The following PTPRQ variants were observed in gnomAD, a reference collection of about 807,000 sequenced individuals.
PTPRQ encodes the protein protein tyrosine phosphatase receptor type Q.
In PTPRQ, 199 loss-of-function variants were observed where a neutral mutation model predicts 246.0. The observed-to-expected ratio is 0.81, with a 90% CI of 0.72 to 0.91. PTPRQ has a LOEUF of 0.91. Ranked by LOEUF, PTPRQ falls within the 40% of genes least tolerant of loss-of-function variation. PTPRQ has a pLI of 0.00. For synonymous variants in PTPRQ, 869 were observed against 853.2 expected (o/e 1.02, Z -0.32); for missense variants, 2,624 against 2,528.4 (o/e 1.04, Z -0.81).
At chr12:80,535,645 A>T (rs1483289014) in intron 19 of PTPRQ, among the ~76,000 whole-genome samples, 1 of 152,212 alleles carries the variant, frequency 6.6e-6, no homozygotes, top group Non-Finnish European at 1.5e-5. Context: ...GATGTGAATG[A>T]TGATGGCTAT....
At chr12:80,478,127 CCTGT>C (rs1893886915) in intron 8 of PTPRQ, among the ~76,000 whole-genome samples, 2 of 150,794 alleles carry the variant, frequency 1.3e-5, no homozygotes, top group Non-Finnish European at 2.9e-5. Context: ...CTTAAATGTC[CCTGT>C]CTGACAGCTT....
intron 7 of PTPRQ, among the ~76,000 whole-genome samples, chr12:80,469,228 C>T (rs1225781230): frequency 6.6e-6 from 1 of 152,168 alleles, no homozygotes. Flanking sequence ...AGTTTTTAAT[C>T]ATTAGAAAGA....
At chr12:80,475,073 A>T (rs2120558720) in intron 8 of PTPRQ, among the ~76,000 whole-genome samples, 1 of 152,256 alleles carries the variant, frequency 6.6e-6, no homozygotes, top group African/African-American at 2.4e-5. Flanking sequence ...GGCAAAAATG[A>T]TCTTAATGTA....
chr12:80,647,396 A>G (rs1230172444), intron 35 of PTPRQ, among the ~76,000 whole-genome samples: 1 of 152,116 alleles, frequency 6.6e-6, no homozygotes, highest in Non-Finnish European at 1.5e-5. Flanking sequence ...ACCCAACACA[A>G]CCTTCTATTC....
chr12:80,478,585 A>G (rs4505124), intron 8 of PTPRQ, among the ~76,000 whole-genome samples: 44,231 of 152,042 alleles, frequency 0.29, 8,245 homozygotes, highest in African/African-American at 0.52. Flanking sequence ...TCTGAGCTAC[A>G]GGAGGACATT....
chr12:80,650,106 AT>A (rs1291918089), intron 37 of PTPRQ, among the ~76,000 whole-genome samples: 1 of 152,136 alleles, frequency 6.6e-6, no homozygotes, highest in Non-Finnish European at 1.5e-5. Flanking sequence ...CATTAGTGAT[AT>A]AGATGAATGT....
chr12:80,574,746 T>C (rs1267522146), intron 25 of PTPRQ, among the ~76,000 whole-genome samples: 3 of 152,240 alleles, frequency 2.0e-5, no homozygotes, highest in African/African-American at 7.2e-5. Flanking sequence ...CTTACTTTTA[T>C]AGATGTCAGG....
chr12:80,642,934 A>AAAAACAG (rs1565836983), intron 35 of PTPRQ, among the ~76,000 whole-genome samples: 2 of 149,142 alleles, frequency 1.3e-5, no homozygotes, highest in African/African-American at 2.5e-5. Flanking sequence ...AAAAAAAAAA[A>AAAAACAG]AAAAAAAAAA....
At chr12:80,619,329 T>G (rs1239689024) in intron 30 of PTPRQ, 55 bp from the exon 31 acceptor site, 4 of 1,502,818 alleles carry the variant, frequency 2.7e-6, no homozygotes, top group Non-Finnish European at 3.6e-6. Context: ...AGATTTTTTC[T>G]TTTGTTGATG....
intron 3 of PTPRQ, among the ~76,000 whole-genome samples, chr12:80,454,236 G>A (rs1335558008): frequency 1.3e-5 from 2 of 149,614 alleles, no homozygotes; most frequent in African/African-American, 5.0e-5. Flanking sequence ...CGCAGTATTC[G>A]GGTGGGAGTG....
chr12:80,501,937 A>C (rs1028168015), intron 14 of PTPRQ, among the ~76,000 whole-genome samples: 1 of 132,274 alleles, frequency 7.6e-6, no homozygotes, highest in Non-Finnish European at 1.6e-5. Context: ...ACAGAGTATG[A>C]TAGGCAAAAA....
intron 26 of PTPRQ, among the ~76,000 whole-genome samples, chr12:80,591,643 A>G (rs1437044300): frequency 6.6e-6 from 1 of 152,226 alleles, no homozygotes; most frequent in African/African-American, 2.4e-5. Flanking sequence ...AGGTATGGTT[A>G]TTTTGAACCT....
At chr12:80,463,262 T>C (rs1325273981) in intron 6 of PTPRQ, among the ~76,000 whole-genome samples, 1 of 152,130 alleles carries the variant, frequency 6.6e-6, no homozygotes, top group Non-Finnish European at 1.5e-5. Flanking sequence ...GGAGAAAGGG[T>C]ATCAGCGATG....
intron 25 of PTPRQ, among the ~76,000 whole-genome samples, chr12:80,581,869 T>C (rs1208661045): frequency 6.6e-6 from 1 of 152,154 alleles, no homozygotes; most frequent in African/African-American, 2.4e-5. Flanking sequence ...AGCTTCACAC[T>C]GAAACAGAAT....
At chr12:80,501,557 A>T (rs1435314768) in intron 14 of PTPRQ, among the ~76,000 whole-genome samples, 1 of 151,942 alleles carries the variant, frequency 6.6e-6, no homozygotes, top group East Asian at 1.9e-4. Context: ...GAGCCTCACC[A>T]CATCTTTGGT....
chr12:80,649,741 T>G (rs1900195863), intron 37 of PTPRQ, 72 bp downstream of exon 37: 22 of 1,481,412 alleles, frequency 1.5e-5, no homozygotes, highest in Non-Finnish European at 2.0e-5. Flanking sequence ...CATGTCCATT[T>G]TAAGCAAGCA....
rs1331194304 is a variant in PTPRQ at position 80,496,100 on chromosome 12, G to C, written c.1984G>C (p.Glu662Gln). The change falls in exon 13 of 45, where the codon GAA (glutamate) becomes CAA (glutamine). Residue 662 changes from glutamate to glutamine, a missense_variant. Physicochemically the swap from Glu to Gln is conservative, Grantham distance 29. Transcript: ENST00000644991. ...EENDIFVRTS[E>Q]DEPESSPQDV... ...AAATGACATCTTTGTGAGAACTTCA[G>C]AAGATGGTAAGAATATCAATTGCAG... 1 of 1,547,842 alleles carries C rather than the reference G, an allele frequency of 6.5e-7. No individual in the cohort carries two copies. Among genetic ancestry groups the C allele is most frequent in the South Asian group, 1.2e-5 (1 of 82,988 alleles).
intron 25 of PTPRQ, among the ~76,000 whole-genome samples, chr12:80,575,114 A>C (rs1897248582): frequency 1.3e-5 from 2 of 152,156 alleles, no homozygotes; most frequent in African/African-American, 4.8e-5. Context: ...CTTTTGCAAA[A>C]TTTTTGCCCA....
chr12:80,610,715 T>A, intron 28 of PTPRQ, 90 bp downstream of exon 28: 1 of 1,433,018 alleles, frequency 7.0e-7, no homozygotes, highest in Non-Finnish European at 9.2e-7. Flanking sequence ...AAAGGATATG[T>A]GTTATGAGAA....
Sources: allele counts gnomAD v4.1 joint callset (sites outside exome capture counted in the v4.1 genomes callset), GRCh38; gene constraint gnomAD v4.1.1; transcripts MANE v1.5; gene names NCBI Gene and HGNC (gene_info 2026-07-23, HGNC 2026-07-21).